DND1: variants seen among roughly 807,000 people sequenced by gnomAD.
DND1 encodes DND microRNA-mediated repression inhibitor 1.
A neutral mutation model predicts 30.4 loss-of-function variants in DND1; 6 were observed. The observed-to-expected ratio is 0.20, with a 90% CI of 0.11 to 0.39. The LOEUF is 0.39. DND1 is among the 10% of genes least tolerant of loss of function. DND1 has a pLI of 1.00. For missense variants in DND1, 358 were observed against 474.9 expected, an observed-to-expected ratio of 0.75 and a Z score of 2.29; for synonymous variants, 178 against 210.4, an observed-to-expected ratio of 0.85 and a Z score of 1.33.
rs746015671 is a variant in DND1, at chr5:140,673,413, T to C, written c.25-25A>G. 5 of 1,614,052 alleles carry C rather than the reference T, an allele frequency of 3.1e-6. No homozygotes were observed. The South Asian group carries it at 5.5e-5, about 18-fold the overall frequency. ...GCTGAGAGGGAAAGGAAGGTTGGAA[T>C]GGCGGATCGCCAAGCGCGCCCCCAC... On this transcript the variant is annotated intron_variant, in intron 1 of 3. Coordinates refer to ENST00000542735, the MANE Select transcript of DND1 (RefSeq NM_194249.3).
At chr5:140,671,828 C>G (rs757180420) in intron 3 of DND1, 78 bp from the exon 4 acceptor site, 1 of 1,453,258 alleles carries the variant, frequency 6.9e-7, no homozygotes, top group South Asian at 1.2e-5. Flanking sequence ...TTTGGAGCTA[C>G]ACAGTCCTGT....
At chr5:140,672,337 A>G in intron 3 of DND1, 108 bp downstream of exon 3, 1 of 1,251,084 alleles carries the variant, frequency 8.0e-7, no homozygotes, top group East Asian at 2.6e-5. Flanking sequence ...AAGGTTGCAA[A>G]TTCTGGCATG....
chr5:140,671,442 T>C lies in DND1; in HGVS notation c.913A>G (p.Ile305Val). Reference protein sequence around the residue: ...PGHPVPFSGLIWVVLTLDGRD... With the variant: ...PGHPVPFSGLVWVVLTLDGRD... ...CCATCTAGGGTCAGCACAACCCAGA[T>C]GAGGCCGCTGAAGGGCACCGGATGC... is the stretch of plus-strand genomic sequence containing the variant. The change falls in exon 4 of 4, where the codon ATC (isoleucine) becomes GTC (valine). Residue 305 changes from isoleucine to valine, a missense_variant. By Grantham distance (29) the Ile-to-Val change is conservative. This residue lies in a region of DND1 where 176 missense variants were observed against 235.2 expected (regional missense o/e 0.75). Coordinates refer to ENST00000542735, the MANE Select transcript of DND1 (RefSeq NM_194249.3). 1 of 1,611,612 alleles carries C rather than the reference T, an allele frequency of 6.2e-7. No individual in the cohort carries two copies. Among genetic ancestry groups the C allele is most frequent in the South Asian group, 1.1e-5 (1 of 90,964 alleles).
rs2149815761 is a variant in DND1, at chr5:140,672,357, A to G, written c.604+88T>C. 5 of 1,376,406 alleles carry G rather than the reference A, an allele frequency of 3.6e-6. No homozygotes were observed. In the South Asian group the frequency reaches 3.8e-5, roughly 11 times the overall value. The allele number at this position is 1,376,406 out of a possible 1,614,324, so 85.3% of individuals were successfully genotyped here. A position where few individuals can be genotyped will look rare whatever the true frequency, so the allele number is the denominator to read the frequency against. ...TGCAAATTCTGGCATGTTTGACTCTAAGATCTTGTAACTTTAACAGCTATG... is the reference window on the plus strand; with the variant it reads ...TGCAAATTCTGGCATGTTTGACTCTGAGATCTTGTAACTTTAACAGCTATG... On this transcript the variant is annotated intron_variant, in intron 3 of 3. Transcript: ENST00000542735.
In DND1 at chr5:140,673,535, G is replaced by C. The variant is rs780140549; in HGVS notation, c.8C>G (p.Ser3Cys). 1.3e-6 allele frequency: 2 copies of C among 1,584,506 alleles called. No homozygotes were observed. Among genetic ancestry groups the C allele is most frequent in the Admixed American group, 1.8e-5 (1 of 55,254 alleles). ...GCCGCTTACCTCACAATCCCGCTTGGACTGCATGGCTCTCCAGCTGGCCCC... is the reference window on the plus strand; with the variant it reads ...GCCGCTTACCTCACAATCCCGCTTGCACTGCATGGCTCTCCAGCTGGCCCC... MQ[S>C]KRDCELWCER... Residue 3 changes from serine (S) to cysteine (C), a missense_variant, in exon 1 of 4, where the codon TCC becomes TGC. Transcript: ENST00000542735.
chr5:140,672,743 A>G lies in DND1; in HGVS notation c.306T>C (p.Tyr102=), dbSNP rs1459748906. 6.3e-7 allele frequency: 1 copy of G among 1,590,192 alleles called. No individual in the cohort carries two copies. The highest frequency in any genetic ancestry group is 8.5e-7 in the Non-Finnish European group (1 of 1,175,718). ...CGCCGCGCCTCGAGCTGTAGCGGGC[A>G]TAGGCGAAGCCGCGGTTCAGGCCGC... ...TFSGLNRGFA[Y]ARYSSRRGAQ... is the part of the protein sequence containing the mutation. The change falls in exon 3 of 4, where the codon TAT becomes TAC. Residue 102 remains tyrosine, a synonymous_variant. Transcript: ENST00000542735.
intron 2 of DND1, 85 bp from the exon 3 acceptor site, chr5:140,672,991 C>T (rs1758135042): frequency 2.1e-6 from 3 of 1,434,018 alleles, no homozygotes; most frequent in Admixed American, 2.0e-5. Context: ...GGGTGGGAGG[C>T]GATGTGAACA....
chr5:140,673,449 G>T lies in DND1; in HGVS notation c.25-61C>A, dbSNP rs114176478. ...CAAGCGCGCCCCCACCTCTCCTGTG[G>T]TACTGGGGTCCCTAAAGCCGACCCC... On this transcript the variant is annotated intron_variant, in intron 1 of 3. Transcript: ENST00000542735. The T allele has an allele frequency of 4.3e-6, 7 of 1,613,482 alleles. No homozygotes were observed. The African/African-American group carries it at 5.3e-5, about 12-fold the overall frequency.
At chr5:140,673,005 G>T in intron 2 of DND1, 99 bp from the exon 3 acceptor site, 1 of 1,371,934 alleles carries the variant, frequency 7.3e-7, no homozygotes, top group Non-Finnish European at 1.0e-6. Flanking sequence ...GTGAACAAAG[G>T]TCTGTGAAAT....
At chr5:140,672,415 G>A (rs1367936750) in intron 3 of DND1, 30 bp downstream of exon 3, 32 of 1,566,192 alleles carry the variant, frequency 2.0e-5, no homozygotes, top group Non-Finnish European at 2.8e-5. Flanking sequence ...AACGCGTTTG[G>A]CCCCAACCAG....
rs555903827 is a variant in DND1, at chr5:140,671,771, C to T, written c.605-21G>A. The T allele has an allele frequency of 3.4e-4, 522 of 1,556,916 alleles. 5 individuals are homozygous for T. The South Asian group carries it at 5.9e-3, about 18-fold the overall frequency. On this transcript the variant is annotated intron_variant, in intron 3 of 3. Coordinates refer to ENST00000542735, the MANE Select transcript of DND1 (RefSeq NM_194249.3). Reference sequence around the variant, plus strand: ...CTGCCCTGTAGGAAAAATGCAAAGACAAGGGCAGGTCTAAACCCTGGGCCC... The same window carrying T: ...CTGCCCTGTAGGAAAAATGCAAAGATAAGGGCAGGTCTAAACCCTGGGCCC...
Position 140,671,748 on chromosome 5 carries a change from G to T in DND1, c.607C>A (p.Gln203Lys). The T allele has an allele frequency of 6.4e-7, 1 of 1,569,490 alleles. No homozygotes were observed. Among genetic ancestry groups the T allele is most frequent in the Non-Finnish European group, 8.6e-7 (1 of 1,156,350 alleles). ...ACCTGCTCTCCACAGAGGTGTGACT[G>T]CCCTGTAGGAAAAATGCAAAGACAA... Reference protein sequence around the residue: ...AMAKKALVEGQSHLCGEQVAV... With the variant: ...AMAKKALVEGKSHLCGEQVAV... Residue 203 changes from glutamine (Q) to lysine (K), a missense_variant and splice_region_variant, in exon 4 of 4, where the codon CAG becomes AAG. This residue lies in a region of DND1 where 176 missense variants were observed against 235.2 expected (regional missense o/e 0.75). Transcript: ENST00000542735.
In DND1 at chr5:140,671,754, T is replaced by A; in HGVS notation, c.605-4A>T. The A allele has an allele frequency of 6.4e-7, 1 of 1,566,764 alleles. No homozygotes were observed. The highest frequency in any genetic ancestry group is 8.7e-7 in the Non-Finnish European group (1 of 1,154,916). Reference sequence around the variant, plus strand: ...TCTCCACAGAGGTGTGACTGCCCTGTAGGAAAAATGCAAAGACAAGGGCAG... The same window carrying A: ...TCTCCACAGAGGTGTGACTGCCCTGAAGGAAAAATGCAAAGACAAGGGCAG... On this transcript the variant is annotated splice_polypyrimidine_tract_variant and splice_region_variant and intron_variant, in intron 3 of 3. Transcript: ENST00000542735.
chr5:140,673,467 C>T, intron 1 of DND1, 52 bp downstream of exon 1: 3 of 1,612,820 alleles, frequency 1.9e-6, no homozygotes, highest in Non-Finnish European at 2.5e-6. Flanking sequence ...GTCCCTAAAG[C>T]CGACCCCCGC....
intron 3 of DND1, 40 bp from the exon 4 acceptor site, chr5:140,671,790 T>C: frequency 6.4e-7 from 1 of 1,550,704 alleles, no homozygotes; most frequent in Non-Finnish European, 8.7e-7. Context: ...GTCTAAACCC[T>C]GGGCCCAAGC....
Position 140,672,826 on chromosome 5 carries a change from T to A in DND1, c.223A>T (p.Ile75Phe). 6.4e-7 allele frequency: 1 copy of A among 1,557,800 alleles called. No homozygotes were observed. Among genetic ancestry groups the A allele is most frequent in the Non-Finnish European group, 8.6e-7 (1 of 1,158,412 alleles). The change falls in exon 3 of 4, where the codon ATC becomes TTC. Residue 75 changes from isoleucine to phenylalanine, a missense_variant. Physicochemically the swap from Ile to Phe is conservative, Grantham distance 21 (BLOSUM62 0). Coordinates refer to ENST00000542735, the MANE Select transcript of DND1 (RefSeq NM_194249.3). ...CGGCCCACGCGCTGGAACAGCGGGA[T>A]AAGCTGGTGCTCGTACACGTCCTGA... ...LPQDVYEHQL[I>F]PLFQRVGRLY...
chr5:140,671,292 G>C lies in DND1; in HGVS notation c.*1C>G. On this transcript the variant is annotated 3_prime_UTR_variant, in exon 4 of 4. Transcript: ENST00000542735. ...AGGGTGCCTGTGGAGAAAGAATGGA[G>C]TCACTGTTTAACCATGGTACCTGCC... is the stretch of plus-strand genomic sequence containing the variant. 2 of 1,612,860 alleles carry C rather than the reference G, an allele frequency of 1.2e-6. No individual in the cohort carries two copies. The highest frequency in any genetic ancestry group is 1.7e-6 in the Non-Finnish European group (2 of 1,180,002).
Position 140,672,731 on chromosome 5 carries a change from G to C in DND1, c.318C>G (p.Ser106Arg). ...TGGCGGCCTGCGCGCCGCGCCTCGA[G>C]CTGTAGCGGGCATAGGCGAAGCCGC... Reference protein sequence around the residue: ...LNRGFAYARYSSRRGAQAAIA... With the variant: ...LNRGFAYARYRSRRGAQAAIA... Residue 106 changes from serine (S) to arginine (R), a missense_variant, in exon 3 of 4, where the codon AGC (serine) becomes AGG (arginine). By Grantham distance (110) the Ser-to-Arg change is moderately radical. This residue lies in a region of DND1 where 120 missense variants were observed against 199.1 expected (regional missense o/e 0.60). Coordinates refer to ENST00000542735, the MANE Select transcript of DND1 (RefSeq NM_194249.3). The C allele has an allele frequency of 6.3e-7, 1 of 1,587,568 alleles. No individual in the cohort carries two copies. Among genetic ancestry groups the C allele is most frequent in the African/African-American group, 1.3e-5 (1 of 74,768 alleles).
At position 140,671,591 on chromosome 5, in the gene DND1, G is replaced by A. The variant is rs1373174150; in HGVS notation, c.764C>T (p.Ala255Val). Residue 255 changes from alanine to valine, a missense_variant, in exon 4 of 4, where the codon GCT becomes GTT. Physicochemically the swap from Ala to Val is moderately conservative, Grantham distance 64. Transcript: ENST00000542735. ...GCACAGCAACTGCAGGGTAGCCCGA[G>A]CCCCTTGGAACCCTAACTTGTCCCT... ...LARDKLGFQG[A>V]RATLQLLCQR... The A allele has an allele frequency of 6.4e-7, 1 of 1,569,848 alleles. No individual in the cohort carries two copies. The highest frequency in any genetic ancestry group is 8.6e-7 in the Non-Finnish European group (1 of 1,158,396).
Sources: gnomAD v4.1 joint callset for allele counts on GRCh38, gnomAD v4.1.1 for gene constraint, gnomAD v4.1.1 regional missense constraint, MANE v1.5 for transcripts, NCBI Gene and HGNC (gene_info 2026-07-23, HGNC 2026-07-21) for gene names.